CEP120: variants seen among roughly 807,000 people sequenced by gnomAD.
The protein encoded by CEP120 is centrosomal protein 120.
In CEP120, 113 loss-of-function variants were observed where a neutral mutation model predicts 126.5. The observed-to-expected ratio is 0.89, with a 90% CI of 0.77 to 1.04. The LOEUF is 1.04. Ranked by LOEUF, CEP120 falls within the 50% of genes least tolerant of loss-of-function variation. The pLI is 0.00. For missense variants in CEP120, 1,230 were observed against 1,155.7 expected (o/e 1.06, Z -0.93); for synonymous variants, 400 against 394.3 (o/e 1.01, Z -0.17).
chr5:123,400,965 C>T (rs1357477099), intron 4 of CEP120: 62 of 1,519,230 alleles, frequency 4.1e-5, no homozygotes, highest in South Asian at 1.5e-4. Context: ...CTTCCCATCA[C>T]GTGTCTCGAT....
chr5:123,405,889 G>A (rs138537636), intron 4 of CEP120, among the ~76,000 whole-genome samples: 2,699 of 152,156 alleles, frequency 0.018, 39 homozygotes, highest in South Asian at 0.048. Flanking sequence ...AGGAATGTTG[G>A]AATTATCAAA....
chr5:123,421,833 A>C (rs1450049001), intron 1 of CEP120, among the ~76,000 whole-genome samples: 1 of 152,218 alleles, frequency 6.6e-6, no homozygotes, highest in Non-Finnish European at 1.5e-5. Context: ...CTAACAGTTA[A>C]TAGTGCTCCA....
chr5:123,355,225 G>C (rs185951879), intron 18 of CEP120, among the ~76,000 whole-genome samples: 3 of 152,092 alleles, frequency 2.0e-5, no homozygotes, highest in African/African-American at 7.2e-5. Context: ...TTGCTATTGT[G>C]AATAGTGCCA....
intron 6 of CEP120, 80 bp downstream of exon 6, chr5:123,393,220 T>G (rs1772521598): frequency 3.1e-6 from 4 of 1,302,366 alleles, no homozygotes; most frequent in African/African-American, 1.5e-5. Flanking sequence ...GTTTAGGTAC[T>G]AAACTCTCGT....
chr5:123,411,800 G>A (rs866156886), intron 4 of CEP120, among the ~76,000 whole-genome samples: 4 of 152,170 alleles, frequency 2.6e-5, no homozygotes, highest in African/African-American at 4.8e-5. Context: ...AAAACCCATA[G>A]AATGTCCAAC....
intron 4 of CEP120, among the ~76,000 whole-genome samples, chr5:123,406,217 C>A (rs1485048310): frequency 3.3e-5 from 5 of 149,814 alleles, no homozygotes; most frequent in African/African-American, 1.2e-4. Flanking sequence ...CATCTCAGAA[C>A]TGTGAGATAA....
At chr5:123,373,387 TG>T (rs1209163090) in intron 16 of CEP120, among the ~76,000 whole-genome samples, 1 of 151,686 alleles carries the variant, frequency 6.6e-6, no homozygotes, top group Non-Finnish European at 1.5e-5. Context: ...AATCAAGGAG[TG>T]ACCGGGAGAT....
At chr5:123,411,181 A>G (rs1437241477) in intron 4 of CEP120, among the ~76,000 whole-genome samples, 1 of 152,216 alleles carries the variant, frequency 6.6e-6, no homozygotes, top group East Asian at 1.9e-4. Context: ...TAACACCACC[A>G]AATTCTGGTA....
intron 3 of CEP120, among the ~76,000 whole-genome samples, chr5:123,414,177 T>C (rs1310962138): frequency 1.3e-5 from 2 of 152,170 alleles, no homozygotes; most frequent in African/African-American, 4.8e-5. Context: ...GGATTTACCT[T>C]CTCTGCAACT....
At chr5:123,379,456 G>A (rs925338141) in intron 14 of CEP120, among the ~76,000 whole-genome samples, 1 of 151,836 alleles carries the variant, frequency 6.6e-6, no homozygotes, top group South Asian at 2.1e-4. Flanking sequence ...TATTTCTACC[G>A]TTCTCAACCA....
intron 4 of CEP120, chr5:123,403,626 C>T (rs1252983485): frequency 2.8e-6 from 1 of 359,216 alleles, no homozygotes; most frequent in African/African-American, 2.2e-5. Context: ...AGAGCACTAA[C>T]ATACAACACT....
chr5:123,393,397 A>G lies in CEP120; in HGVS notation c.713T>C (p.Leu238Ser). 5 of 1,614,148 alleles carry G rather than the reference A, an allele frequency of 3.1e-6. No homozygotes were observed. Among genetic ancestry groups the G allele is most frequent in the Non-Finnish European group, 4.2e-6 (5 of 1,179,988 alleles). ...CTCTGGCTCAAAGTTTGGGTTGATT[A>G]AATCATTGAAGGGTTCATTTGTAAC... ...NDVTNEPFND[L>S]INPNFEPERA... The change falls in exon 6 of 20, where the codon TTA (leucine) becomes TCA (serine). Residue 238 changes from leucine (L) to serine (S), a missense_variant. Leu to Ser is a moderately radical substitution (Grantham distance 145). Transcript: ENST00000306467.
At chr5:123,402,041 C>T in intron 4 of CEP120, 1 of 1,600,788 alleles carries the variant, frequency 6.2e-7, no homozygotes, top group Non-Finnish European at 8.6e-7. Flanking sequence ...AGGAGGCAAA[C>T]TTGTTGTTGA....
chr5:123,410,193 G>C (rs1431215439), intron 4 of CEP120, among the ~76,000 whole-genome samples: 1 of 151,622 alleles, frequency 6.6e-6, no homozygotes. Flanking sequence ...TCTGATAAAA[G>C]AAATCAAAGA....
intron 4 of CEP120, among the ~76,000 whole-genome samples, chr5:123,407,105 T>TAAAAAAAA (rs34074238): frequency 4.6e-4 from 57 of 124,466 alleles, no homozygotes; most frequent in East Asian, 6.7e-4. Context: ...ACTAAAAAAG[T>TAAAAAAAA]AAAAAAAAAA....
At chr5:123,391,069 G>T in intron 7 of CEP120, 41 bp downstream of exon 7, 2 of 1,436,752 alleles carry the variant, frequency 1.4e-6, no homozygotes, top group Non-Finnish European at 1.9e-6. Context: ...TCATGCATGG[G>T]ACTAGTGAAG....
intron 18 of CEP120, among the ~76,000 whole-genome samples, chr5:123,356,304 C>T (rs1306263769): frequency 6.6e-6 from 1 of 151,932 alleles, no homozygotes; most frequent in East Asian, 1.9e-4. Flanking sequence ...GTAGTTTTTT[C>T]CAATTCTGTG....
chr5:123,407,094 C>T (rs530007871), intron 4 of CEP120, among the ~76,000 whole-genome samples: 1 of 130,438 alleles, frequency 7.7e-6, no homozygotes, highest in Admixed American at 7.9e-5. Context: ...CTAGGGCAAC[C>T]ACTAAAAAAG....
At chr5:123,357,807 T>TGTAA (rs752901443) in intron 18 of CEP120, among the ~76,000 whole-genome samples, 2 of 152,068 alleles carry the variant, frequency 1.3e-5, no homozygotes, top group East Asian at 1.9e-4. Context: ...GGAATGAAAA[T>TGTAA]GTAAGTAAGT....
Sources: allele counts gnomAD v4.1 joint callset (sites outside exome capture counted in the v4.1 genomes callset), GRCh38; gene constraint gnomAD v4.1.1; transcripts MANE v1.5; gene names NCBI Gene and HGNC (gene_info 2026-07-23, HGNC 2026-07-21).